Variants in RTL4 observed in about 807,000 individuals in gnomAD.
The protein encoded by RTL4 is retrotransposon Gag-like protein 4.
RTL4 carries 4 observed loss-of-function variants against 5.3 expected under a neutral mutation model. That is an observed-to-expected ratio of 0.75 (90% CI 0.37 to 1.72). The LOEUF (loss-of-function observed/expected upper bound fraction) is 1.72, where lower values mean the gene tolerates loss of function less well. RTL4 is among the 40% of genes most tolerant of loss of function. The probability of loss-of-function intolerance (pLI) is 0.04; values close to 1 mark genes in which losing one functional copy is unlikely to be tolerated. For synonymous variants in RTL4, 98 were observed against 87.3 expected (o/e 1.12, Z -0.68); for missense variants, 260 against 227.1 (o/e 1.14, Z -0.93).
chrX:112,269,349 TG>T, the RTL4 span, among the ~76,000 whole-genome samples: 26 of 111,307 alleles, frequency 2.3e-4, no homozygotes, highest in Non-Finnish European at 2.3e-4. Context: ...TCTAAACTTT[TG>T]TTTTCTCATC....
At chrX:112,431,967 G>A in the RTL4 span, among the ~76,000 whole-genome samples, 1 of 100,043 alleles carries the variant, frequency 1.0e-5, no homozygotes, top group South Asian at 4.9e-4. Flanking sequence ...ACCTATGAGT[G>A]AGAATATGCG....
the RTL4 span, among the ~76,000 whole-genome samples, chrX:112,324,530 G>T: frequency 9.1e-6 from 1 of 109,810 alleles, no homozygotes; most frequent in African/African-American, 3.3e-5. Flanking sequence ...TCTTTTCCTG[G>T]TTTTCTAAGA....
chrX:112,433,226 G>A, the RTL4 span, among the ~76,000 whole-genome samples: 1 of 110,393 alleles, frequency 9.1e-6, no homozygotes, highest in African/African-American at 3.3e-5. Context: ...CTGTTTTTTG[G>A]TTCCATATGA....
At chrX:112,149,367 AG>A in the RTL4 span, among the ~76,000 whole-genome samples, 1 of 111,988 alleles carries the variant, frequency 8.9e-6, no homozygotes, top group Non-Finnish European at 1.9e-5. Flanking sequence ...AAGAGGTGAT[AG>A]GAAGTATTAC....
the RTL4 span, among the ~76,000 whole-genome samples, chrX:112,345,177 C>T: frequency 1.8e-5 from 2 of 111,014 alleles, no homozygotes; most frequent in East Asian, 2.9e-4. Context: ...CCCTTATGTC[C>T]GTTGTGGGCT....
the RTL4 span, among the ~76,000 whole-genome samples, chrX:112,104,215 C>T: frequency 8.9e-6 from 1 of 112,244 alleles, no homozygotes; most frequent in Non-Finnish European, 1.9e-5. Context: ...TCCATGTTAT[C>T]ACAAATGACA....
chrX:112,216,666 C>T, the RTL4 span, among the ~76,000 whole-genome samples: 1 of 111,849 alleles, frequency 8.9e-6, no homozygotes, highest in Non-Finnish European at 1.9e-5. Context: ...GTAGATGGCT[C>T]TCCAACTCCC....
At chrX:112,326,911 G>A in the RTL4 span, among the ~76,000 whole-genome samples, 1 of 111,163 alleles carries the variant, frequency 9.0e-6, no homozygotes, top group East Asian at 2.8e-4. Flanking sequence ...CACCTCACAC[G>A]GCCAGGTACT....
chrX:112,189,398 C>T, the RTL4 span, among the ~76,000 whole-genome samples: 2 of 111,900 alleles, frequency 1.8e-5, no homozygotes, highest in Non-Finnish European at 1.9e-5. Flanking sequence ...CCACATTACA[C>T]AATAAAATAA....
the RTL4 span, among the ~76,000 whole-genome samples, chrX:112,219,321 C>T: frequency 8.9e-6 from 1 of 111,953 alleles, no homozygotes; most frequent in African/African-American, 3.2e-5. Context: ...CAAAACATTG[C>T]CATGCATTGA....
At chrX:112,405,749 C>A in the RTL4 span, among the ~76,000 whole-genome samples, 2 of 111,031 alleles carry the variant, frequency 1.8e-5, no homozygotes, top group Non-Finnish European at 3.8e-5. Context: ...AAAAAAAGCA[C>A]CTTTATAAGA....
At chrX:112,370,580 A>C in the RTL4 span, among the ~76,000 whole-genome samples, 1 of 111,560 alleles carries the variant, frequency 9.0e-6, no homozygotes, top group African/African-American at 3.3e-5. Context: ...GCCACCTGTC[A>C]GTTTGCTTTT....
At chrX:112,286,612 T>C in the RTL4 span, among the ~76,000 whole-genome samples, 2 of 111,377 alleles carry the variant, frequency 1.8e-5, no homozygotes, top group African/African-American at 3.3e-5. Context: ...TTATGTTTTA[T>C]AGGTAGTGCC....
the RTL4 span, among the ~76,000 whole-genome samples, chrX:112,181,285 G>GT: frequency 9.0e-6 from 1 of 111,609 alleles, no homozygotes; most frequent in African/African-American, 3.3e-5. Flanking sequence ...AGCTGCAGGA[G>GT]TTTTTTTCCA....
the RTL4 span, among the ~76,000 whole-genome samples, chrX:112,317,449 T>A: frequency 8.9e-6 from 1 of 112,060 alleles, no homozygotes; most frequent in African/African-American, 3.2e-5. Flanking sequence ...GTTGAACGAC[T>A]AGTGCAGAAT....
the RTL4 span, among the ~76,000 whole-genome samples, chrX:112,255,062 G>A: frequency 8.9e-6 from 1 of 111,824 alleles, no homozygotes; most frequent in African/African-American, 3.2e-5. Context: ...ACAAAAACTT[G>A]CAAAATACCT....
chrX:112,369,367 GA>G, the RTL4 span, among the ~76,000 whole-genome samples: 2 of 111,505 alleles, frequency 1.8e-5, no homozygotes, highest in African/African-American at 6.5e-5. Flanking sequence ...CTCAGGCTTG[GA>G]CTATCCAAGG....
the RTL4 span, among the ~76,000 whole-genome samples, chrX:112,189,576 A>C: frequency 2.7e-5 from 3 of 110,779 alleles, no homozygotes; most frequent in East Asian, 8.6e-4. Context: ...CAGCCTGCCT[A>C]ACATGGTGAA....
chrX:112,153,995 C>T, the RTL4 span, among the ~76,000 whole-genome samples: 1 of 111,134 alleles, frequency 9.0e-6, no homozygotes, highest in East Asian at 2.8e-4. Context: ...GTGGTGTCCA[C>T]AGGCCTGTTA....
Sources: gnomAD v4.1 joint callset for allele counts (sites outside exome capture counted in the v4.1 genomes callset) on GRCh38, gnomAD v4.1.1 for gene constraint, MANE v1.5 for transcripts, NCBI Gene and HGNC (gene_info 2026-07-23, HGNC 2026-07-21) for gene names.